The following GPHN variants were observed in gnomAD, a reference collection of about 807,000 sequenced individuals.
The protein encoded by GPHN is gephyrin.
In GPHN, 17 loss-of-function variants were observed where a neutral mutation model predicts 95.5. The ratio of observed to expected loss-of-function variants is 0.18; its 90% CI spans 0.12 to 0.27. GPHN has a LOEUF of 0.27. GPHN is among the 10% of genes least tolerant of loss of function. GPHN has a pLI of 1.00. For missense variants in GPHN, 660 were observed against 978.1 expected (o/e 0.67, Z 4.34); for synonymous variants, 320 against 322.5 (o/e 0.99, Z 0.08).
At chr14:67,165,052 A>G in intron 19 of GPHN, 110 bp from the exon 20 acceptor site, 1 of 762,530 alleles carries the variant, frequency 1.3e-6, no homozygotes, top group East Asian at 2.5e-5. Flanking sequence ...AAGTCAACAG[A>G]AAAGTGTTTT....
intron 2 of GPHN, among the ~76,000 whole-genome samples, chr14:66,718,001 G>A (rs1595673252): frequency 6.6e-6 from 1 of 152,316 alleles, no homozygotes; most frequent in Non-Finnish European, 1.5e-5. Flanking sequence ...AGGAGGTGGT[G>A]CTTTCCAGAG....
At chr14:66,913,804 G>T (rs999060164) in intron 5 of GPHN, among the ~76,000 whole-genome samples, 1 of 152,032 alleles carries the variant, frequency 6.6e-6, no homozygotes, top group Non-Finnish European at 1.5e-5. Context: ...TTAGCTATTT[G>T]ATAAATATTG....
At chr14:67,548,359 C>G in the GPHN span, among the ~76,000 whole-genome samples, 1 of 152,114 alleles carries the variant, frequency 6.6e-6, no homozygotes, top group South Asian at 2.1e-4. Flanking sequence ...TTTCTTTACT[C>G]CCTATCTGCT....
intron 1 of GPHN, among the ~76,000 whole-genome samples, chr14:66,531,842 AC>A (rs2058953996): frequency 6.6e-6 from 1 of 152,218 alleles, no homozygotes; most frequent in African/African-American, 2.4e-5. Context: ...GTACTGTATG[AC>A]AGGGTTTTCA....
At chr14:66,859,126 T>G (rs1427463259) in intron 4 of GPHN, among the ~76,000 whole-genome samples, 1 of 152,200 alleles carries the variant, frequency 6.6e-6, no homozygotes, top group Non-Finnish European at 1.5e-5. Context: ...ACTTCACATC[T>G]GTTAATCGTA....
the GPHN span, chr14:67,619,666 T>C: frequency 2.3e-5 from 6 of 256,272 alleles, no homozygotes; most frequent in Non-Finnish European, 4.5e-5. Context: ...ACCGCGCTCT[T>C]ACTGGCCAGA....
At chr14:66,949,797 T>C (rs2067981384) in intron 8 of GPHN, among the ~76,000 whole-genome samples, 1 of 152,178 alleles carries the variant, frequency 6.6e-6, no homozygotes, top group Admixed American at 6.5e-5. Flanking sequence ...AAATGTGTGC[T>C]CATTTTTGAA....
intron 5 of GPHN, among the ~76,000 whole-genome samples, chr14:66,889,168 C>T (rs907747163): frequency 2.6e-5 from 4 of 152,024 alleles, no homozygotes; most frequent in African/African-American, 9.7e-5. Flanking sequence ...CAATATGCCA[C>T]ATTCAATAAT....
intron 18 of GPHN, among the ~76,000 whole-genome samples, chr14:67,150,381 C>T (rs941944161): frequency 7.6e-6 from 1 of 130,762 alleles, no homozygotes; most frequent in African/African-American, 3.0e-5. Context: ...GCGGAGCTTG[C>T]AGTGAGCCGA....
chr14:66,866,903 A>C (rs2063241400), intron 4 of GPHN, among the ~76,000 whole-genome samples: 1 of 152,154 alleles, frequency 6.6e-6, no homozygotes. Flanking sequence ...ACACCATTTC[A>C]TGCTCACTGC....
At chr14:67,145,790 A>G (rs184202983) in intron 18 of GPHN, among the ~76,000 whole-genome samples, 31 of 152,366 alleles carry the variant, frequency 2.0e-4, no homozygotes, top group Admixed American at 4.6e-4. Context: ...GGAAAAATTC[A>G]GAAGTATTAT....
At chr14:66,999,643 T>C (rs2153609686) in intron 9 of GPHN, among the ~76,000 whole-genome samples, 1 of 151,902 alleles carries the variant, frequency 6.6e-6, no homozygotes, top group Middle Eastern at 3.4e-3. Context: ...TTTTCATCCC[T>C]TCAAGCAAAG....
chr14:66,709,412 C>G (rs2069400053), intron 2 of GPHN: 1 of 455,858 alleles, frequency 2.2e-6, no homozygotes, highest in Admixed American at 2.3e-5. Flanking sequence ...CTACTGAACC[C>G]AAGTACTGCG....
chr14:67,059,254 G>C lies in GPHN; in HGVS notation c.1144+468G>C, dbSNP rs981958803. 2.0e-5 allele frequency among the ~76,000 whole-genome samples: 3 copies of C among 151,984 alleles called. No individual in the cohort carries two copies. In the South Asian group the frequency reaches 6.2e-4, roughly 32 times the overall value. On this transcript the variant is annotated intron_variant, in intron 11 of 22. Coordinates refer to ENST00000478722, the MANE Select transcript of GPHN (RefSeq NM_020806.5). ...AAAAAAAAATATTAATTTATCCATG[G>C]ATACTAAGACAACGGAAAGGTAGCA...
chr14:67,112,496 C>G (rs1021384331), intron 15 of GPHN, among the ~76,000 whole-genome samples: 2 of 152,184 alleles, frequency 1.3e-5, no homozygotes, highest in Non-Finnish European at 2.9e-5. Flanking sequence ...TGGCAGCACA[C>G]CAAGGTTAAT....
the GPHN span, among the ~76,000 whole-genome samples, chr14:67,189,084 G>A: frequency 4.6e-5 from 7 of 152,278 alleles, no homozygotes; most frequent in East Asian, 1.3e-3. Context: ...ATATGTTTAA[G>A]TCTCTGAAAC....
At chr14:67,252,297 G>A in the GPHN span, among the ~76,000 whole-genome samples, 8 of 152,128 alleles carry the variant, frequency 5.3e-5, no homozygotes, top group Middle Eastern at 3.4e-3. Flanking sequence ...TCAAATAGGC[G>A]TGCACCACCA....
the GPHN span, among the ~76,000 whole-genome samples, chr14:67,626,553 C>T: frequency 6.6e-6 from 1 of 152,112 alleles, no homozygotes; most frequent in African/African-American, 2.4e-5. Context: ...CGCTCTTTCA[C>T]CCAGGCTGGA....
the GPHN span, among the ~76,000 whole-genome samples, chr14:67,525,739 T>C: frequency 2.6e-5 from 4 of 152,214 alleles, no homozygotes; most frequent in African/African-American, 9.7e-5. Flanking sequence ...GAAAGTTACT[T>C]TGAGTATTCC....
Sources: gnomAD v4.1 joint callset for allele counts (sites outside exome capture counted in the v4.1 genomes callset) on GRCh38, gnomAD v4.1.1 for gene constraint, MANE v1.5 for transcripts, NCBI Gene and HGNC (gene_info 2026-07-23, HGNC 2026-07-21) for gene names.